Variants in TTN observed in about 807,000 individuals in gnomAD.
TTN encodes the protein titin, also known as connectin.
A neutral mutation model predicts 3,223.0 loss-of-function variants in TTN; 1,525 were observed. The observed-to-expected ratio is 0.47, with a 90% CI of 0.45 to 0.49. The LOEUF (loss-of-function observed/expected upper bound fraction) is 0.49. TTN is among the 20% of genes least tolerant of loss of function. TTN has a pLI of 0.00. For missense variants in TTN, 40,786 were observed against 43,424.0 expected (o/e 0.94, Z 5.40); for synonymous variants, 14,094 against 15,161.0 (o/e 0.93, Z 5.17).
chr2:178,630,440 C>G, intron 238 of TTN, 73 bp from the exon 239 acceptor site: 1 of 1,487,806 alleles, frequency 6.7e-7, no homozygotes, highest in South Asian at 1.3e-5. Context: ...GATAGATTAT[C>G]TTAATTAAAG....
rs955477699 is a variant in TTN, at chr2:178,756,735, C to T, written c.10741G>A (p.Val3581Met). ...DVRESTKSQA[V>M]ADSSFTKEES... ...TCCTTTGTGAAAGAGGAATCTGCCACTGCCTGGGACTTGGTGGACTCTCTT... is the reference window on the plus strand; with the variant it reads ...TCCTTTGTGAAAGAGGAATCTGCCATTGCCTGGGACTTGGTGGACTCTCTT... The change falls in exon 46 of 363, where the codon GTG becomes ATG. Residue 3581 changes from valine (V) to methionine (M), a missense_variant. Physicochemically the swap from Val to Met is conservative, Grantham distance 21 (BLOSUM62 1). Transcript: ENST00000589042. 2.5e-6 allele frequency: 4 copies of T among 1,613,728 alleles called. No individual in the cohort carries two copies. Among genetic ancestry groups the T allele is most frequent in the Non-Finnish European group, 3.4e-6 (4 of 1,179,812 alleles).
intron 95 of TTN, 27 bp downstream of exon 95, chr2:178,712,288 A>G (rs761178918): frequency 5.4e-5 from 87 of 1,609,258 alleles, no homozygotes; most frequent in Middle Eastern, 1.7e-4. Flanking sequence ...TTGTATACAA[A>G]GATAAAAATG....
chr2:178,629,228 T>C, intron 240 of TTN, 73 bp downstream of exon 240: 2 of 1,545,200 alleles, frequency 1.3e-6, no homozygotes, highest in Non-Finnish European at 1.8e-6. Flanking sequence ...GAGCAAAGAA[T>C]AAGGAACATA....
At position 178,698,932 on chromosome 2, in the gene TTN, G is replaced by GA. The variant is rs752002029; in HGVS notation, c.30683-19dup. ...TTTGGTAACTAAAAAAAAAAAAAAA[G>GA]AAAAAAAAAGAAAAAATATTTCTGG... is the stretch of plus-strand genomic sequence containing the variant. On this transcript the variant is annotated intron_variant, in intron 111 of 362. Transcript: ENST00000589042. 2.8e-4 allele frequency: 316 copies of GA among 1,111,002 alleles called. No homozygotes were observed. The highest frequency in any genetic ancestry group is 6.1e-4 in the East Asian group (20 of 32,676). 68.8% of individuals were successfully genotyped at this position (1,111,002 alleles called of 1,614,324 possible).
At chr2:178,684,864 TA>T (rs770223266) in intron 130 of TTN, 41 bp downstream of exon 130, 5 of 1,555,550 alleles carry the variant, frequency 3.2e-6, no homozygotes, top group Non-Finnish European at 4.4e-6. Flanking sequence ...AATTTAAGAT[TA>T]AAAAAAGACA....
Position 178,714,473 on chromosome 2 carries a change from C to A in TTN, c.26301G>T (p.Val8767=). The A allele has an allele frequency of 1.9e-6, 3 of 1,613,570 alleles. No individual in the cohort carries two copies. Among genetic ancestry groups the A allele is most frequent in the Non-Finnish European group, 2.5e-6 (3 of 1,179,686 alleles). Residue 8767 remains valine, a synonymous_variant, in exon 91 of 363, where the codon GTG becomes GTT. Coordinates refer to ENST00000589042, the MANE Select transcript of TTN (RefSeq NM_001267550.2). ...TTTCTCCCTTATCTTTGAACCACAC[C>A]ACTGAAATGGGTTCAGCGCCTTCAA... ...TTIEGAEPIS[V]VWFKDKGEIV... is the part of the protein sequence containing the mutation.
Position 178,570,017 on chromosome 2 carries a change from T to C in TTN, c.76115A>G (p.Asn25372Ser). Residue 25372 changes from asparagine to serine, a missense_variant, in exon 326 of 363, where the codon AAT becomes AGT. Transcript: ENST00000589042. ...LRLRVTGLIE[N>S]HDYEFRVSAE... The stretch of plus-strand genomic sequence containing the variant: ...AGAAACTCTGAACTCATAATCGTGA[T>C]TTTCTATGAGTCCAGTTACTCTCAG... 2 of 1,613,146 alleles carry C rather than the reference T, an allele frequency of 1.2e-6. No homozygotes were observed. Among genetic ancestry groups the C allele is most frequent in the South Asian group, 1.1e-5 (1 of 91,036 alleles).
rs745333743 is a variant in TTN, at chr2:178,715,161, A to G, written c.26025T>C (p.Ser8675=). 6.2e-7 allele frequency: 1 copy of G among 1,613,778 alleles called. No homozygotes were observed. Among genetic ancestry groups the G allele is most frequent in the Non-Finnish European group, 8.5e-7 (1 of 1,179,714 alleles). The change falls in exon 90 of 363, where the codon TCT becomes TCC. Residue 8675 remains serine (S), a synonymous_variant. Transcript: ENST00000589042. ...TAAGTTCTCTCTTGTCTTTATACCA[A>G]GAAACGTGAAATGGGGGAGTGCCCT... is the stretch of plus-strand genomic sequence containing the variant. The part of the protein sequence containing the change: ...ELQGTPPFHV[S]WYKDKRELRS...
intron 71 of TTN, 42 bp downstream of exon 71, chr2:178,725,326 C>A: frequency 7.0e-7 from 1 of 1,423,790 alleles, no homozygotes; most frequent in Non-Finnish European, 9.2e-7. Context: ...TAATTCATTC[C>A]AGCATTTGGC....
At chr2:178,675,201 G>T in intron 149 of TTN, 88 bp from the exon 150 acceptor site, 1 of 788,690 alleles carries the variant, frequency 1.3e-6, no homozygotes, top group Non-Finnish European at 2.0e-6. Flanking sequence ...ACATAAGAGA[G>T]TAAATATCAC....
At position 178,631,042 on chromosome 2, in the gene TTN, T is replaced by C. The variant is rs747133309; in HGVS notation, c.44006A>G (p.Asp14669Gly). ...CGTDKTSGKL[D>G]IEDREIKLVR... ...CATGGAAATTTCCTTACCCTCAATGTCAAGTTTTCCTGAGGTCTTATCTGT... is the reference window on the plus strand; with the variant it reads ...CATGGAAATTTCCTTACCCTCAATGCCAAGTTTTCCTGAGGTCTTATCTGT... Residue 14669 changes from aspartate (D) to glycine (G), a missense_variant, in exon 237 of 363, where the codon GAC becomes GGC. By Grantham distance (94) the Asp-to-Gly change is moderately conservative. Transcript: ENST00000589042. The C allele has an allele frequency of 6.2e-7, 1 of 1,613,076 alleles. No individual in the cohort carries two copies. The highest frequency in any genetic ancestry group is 2.2e-5 in the East Asian group (1 of 44,708).
chr2:178,633,382 AG>A, intron 232 of TTN, 30 bp downstream of exon 232: 1 of 1,613,124 alleles, frequency 6.2e-7, no homozygotes, highest in Non-Finnish European at 8.5e-7. Flanking sequence ...AGATTCAGAT[AG>A]GGTAAATTTT....
At chr2:178,631,791 ATCTTC>A (rs1235194547) in intron 236 of TTN, among the ~76,000 whole-genome samples, 2 of 152,134 alleles carry the variant, frequency 1.3e-5, no homozygotes, top group Non-Finnish European at 2.9e-5. Context: ...ATTATGTAAT[ATCTTC>A]TCTTATGGGA....
At chr2:178,755,844 A>G (rs1435810422) in intron 46 of TTN, among the ~76,000 whole-genome samples, 1 of 152,220 alleles carries the variant, frequency 6.6e-6, no homozygotes, top group Non-Finnish European at 1.5e-5. Context: ...TATTAAAACA[A>G]TTAAACTGAA....
At chr2:178,699,918 G>A (rs1011700355) in intron 111 of TTN, among the ~76,000 whole-genome samples, 1 of 137,980 alleles carries the variant, frequency 7.2e-6, no homozygotes, top group East Asian at 2.2e-4. Flanking sequence ...TAGTAGAGAC[G>A]CGGTTTCATC....
intron 103 of TTN, 64 bp downstream of exon 103, chr2:178,705,110 G>C (rs931793502): frequency 8.2e-6 from 13 of 1,586,982 alleles, no homozygotes; most frequent in Non-Finnish European, 1.1e-5. Flanking sequence ...GTAATTCAAA[G>C]GGAATATGTG....
chr2:178,752,315 G>A (rs1432109859), intron 47 of TTN, among the ~76,000 whole-genome samples: 1 of 152,172 alleles, frequency 6.6e-6, no homozygotes, highest in Admixed American at 6.6e-5. Context: ...ACATGTTCCT[G>A]TGCATATTTG....
intron 114 of TTN, 28 bp downstream of exon 114, chr2:178,695,837 G>C: frequency 7.3e-7 from 1 of 1,364,808 alleles, no homozygotes; most frequent in Admixed American, 3.5e-5. Context: ...AAGAAAAGAG[G>C]GAAACAAGTC....
intron 361 of TTN, 37 bp from the exon 362 acceptor site, chr2:178,527,785 A>T: frequency 6.6e-7 from 1 of 1,520,982 alleles, no homozygotes. Flanking sequence ...AACATCAATG[A>T]CATCTGGTTA....
Sources: gnomAD v4.1 joint callset for allele counts (sites outside exome capture counted in the v4.1 genomes callset) on GRCh38, gnomAD v4.1.1 for gene constraint, MANE v1.5 for transcripts, NCBI Gene and HGNC (gene_info 2026-07-23, HGNC 2026-07-21) for gene names.